HBEGF: variants seen among roughly 807,000 people sequenced by gnomAD.
HBEGF encodes heparin binding EGF like growth factor.
HBEGF carries 8 observed loss-of-function variants against 19.5 expected under a neutral mutation model. The ratio of observed to expected loss-of-function variants is 0.41; its 90% CI spans 0.24 to 0.74. The LOEUF (loss-of-function observed/expected upper bound fraction) is 0.74, where lower values mean the gene tolerates loss of function less well. Ranked by LOEUF, HBEGF falls within the 30% of genes least tolerant of loss-of-function variation. The pLI is 0.32. For synonymous variants in HBEGF, 97 were observed against 108.9 expected, an observed-to-expected ratio of 0.89 and a Z score of 0.68; for missense variants, 207 against 256.9, an observed-to-expected ratio of 0.81 and a Z score of 1.33.
chr5:140,336,783 C>A (rs187267414), intron 3 of HBEGF, among the ~76,000 whole-genome samples: 1 of 152,038 alleles, frequency 6.6e-6, no homozygotes, highest in Non-Finnish European at 1.5e-5. Context: ...GCTCTTCTCA[C>A]TCAAGAAATA....
At chr5:140,343,659 A>G (rs1766349456) in intron 2 of HBEGF, among the ~76,000 whole-genome samples, 1 of 152,146 alleles carries the variant, frequency 6.6e-6, no homozygotes, top group African/African-American at 2.4e-5. Flanking sequence ...TGGGGGAAAA[A>G]CAGCCTCACC....
chr5:140,339,649 C>T (rs975708319), intron 3 of HBEGF, among the ~76,000 whole-genome samples: 11 of 152,252 alleles, frequency 7.2e-5, no homozygotes, highest in African/African-American at 2.6e-4. Flanking sequence ...GTGCCTCGGC[C>T]TCCCAAAGTG....
At chr5:140,336,236 A>G (rs1766225719) in intron 3 of HBEGF, among the ~76,000 whole-genome samples, 1 of 151,694 alleles carries the variant, frequency 6.6e-6, no homozygotes. Context: ...CTCACTTGAC[A>G]CCCTCCCCTT....
intron 2 of HBEGF, among the ~76,000 whole-genome samples, chr5:140,344,895 C>T (rs985447124): frequency 2.6e-5 from 4 of 152,050 alleles, no homozygotes; most frequent in Admixed American, 1.3e-4. Context: ...CAGCCCTGCC[C>T]AGCCTAGGAG....
chr5:140,334,728 T>C lies in HBEGF; in HGVS notation c.575A>G (p.Tyr192Cys). The C allele has an allele frequency of 1.2e-6, 2 of 1,613,758 alleles. No homozygotes were observed. Among genetic ancestry groups the C allele is most frequent in the South Asian group, 1.1e-5 (1 of 91,062 alleles). The change falls in exon 5 of 6, where the codon TAT becomes TGT. Residue 192 changes from tyrosine (Y) to cysteine (C), a missense_variant. This residue lies in a region of HBEGF where 77 missense variants were observed against 106.9 expected (regional missense o/e 0.72). Transcript: ENST00000230990. The stretch of plus-strand genomic sequence containing the variant: ...CACTTTCTCTTCATTTTCCACATCA[T>C]AACCTCCTCTCCTATGGTACCTGAG... ...LMFRYHRRGG[Y>C]DVENEEKVKL...
At chr5:140,336,372 G>A (rs1158638240) in intron 3 of HBEGF, among the ~76,000 whole-genome samples, 5 of 152,170 alleles carry the variant, frequency 3.3e-5, no homozygotes, top group African/African-American at 4.8e-5. Flanking sequence ...GTGTTCAGGC[G>A]TTCTGTTTAA....
chr5:140,345,525 T>C lies in HBEGF; in HGVS notation c.220+386A>G, dbSNP rs567159671. ...GGCATCTCCGCATGTGTTACCTCTA[T>C]TTTATATATAATAGTCATTTGATAT... On this transcript the variant is annotated intron_variant, in intron 2 of 5. Coordinates refer to ENST00000230990, the MANE Select transcript of HBEGF (RefSeq NM_001945.3). 5.9e-5 allele frequency among the ~76,000 whole-genome samples: 9 copies of C among 152,320 alleles called. No individual in the cohort carries two copies. The South Asian group carries it at 1.9e-3, about 32-fold the overall frequency.
chr5:140,343,133 C>T (rs1392534254), intron 2 of HBEGF: 2 of 300,228 alleles, frequency 6.7e-6, no homozygotes, highest in African/African-American at 2.1e-5. Flanking sequence ...CTCCACCCCA[C>T]TGTCCACCTT....
intron 3 of HBEGF, among the ~76,000 whole-genome samples, chr5:140,337,714 A>G (rs1345739775): frequency 6.6e-6 from 1 of 152,156 alleles, no homozygotes; most frequent in Non-Finnish European, 1.5e-5. Flanking sequence ...TCACAGCAGG[A>G]TAAATGTAGG....
In HBEGF at chr5:140,346,010, C is replaced by G. The variant is rs1014104664; in HGVS notation, c.121G>C (p.Asp41His). 7 of 1,614,160 alleles carry G rather than the reference C, an allele frequency of 4.3e-6. No homozygotes were observed. The highest frequency in any genetic ancestry group is 5.9e-6 in the Non-Finnish European group (7 of 1,179,996). ...RGLAAGTSNP[D>H]PPTVSTDQLL... is the part of the protein sequence containing the mutation. Reference sequence around the variant, plus strand: ...TGGTCCGTGGATACAGTGGGAGGGTCCGGGTTGCTGGTTCCAGCAGCTAGC... The same window carrying G: ...TGGTCCGTGGATACAGTGGGAGGGTGCGGGTTGCTGGTTCCAGCAGCTAGC... The change falls in exon 2 of 6, where the codon GAC becomes CAC. Residue 41 changes from aspartate (D) to histidine (H), a missense_variant. Asp to His is a moderately conservative substitution (Grantham distance 81, BLOSUM62 -1). Around this residue, in one of 3 missense-constraint regions of HBEGF, gnomAD observed 127 missense variants for 132.7 expected, o/e 0.96. Coordinates refer to ENST00000230990, the MANE Select transcript of HBEGF (RefSeq NM_001945.3). The surrounding 1 kb of genome is among the most constrained non-coding windows in gnomAD (Gnocchi z 6.1).
At chr5:140,345,566 C>T (rs1287533063) in intron 2 of HBEGF, among the ~76,000 whole-genome samples, 1 of 152,120 alleles carries the variant, frequency 6.6e-6, no homozygotes, top group East Asian at 1.9e-4. Flanking sequence ...TTAGAACTGG[C>T]GCCCATTTTT....
rs576280050 is a variant in HBEGF, at chr5:140,333,357, C to T, written c.*942G>A. 2.0e-5 allele frequency: 3 copies of T among 152,978 alleles called. No homozygotes were observed. The highest frequency in any genetic ancestry group is 4.4e-5 in the Non-Finnish European group (3 of 68,250). The allele number at this position is 152,978 out of a possible 1,614,324, so 9.5% of individuals were successfully genotyped here. A position where few individuals can be genotyped will look rare whatever the true frequency, so the allele number is the denominator to read the frequency against. On this transcript the variant is annotated 3_prime_UTR_variant, in exon 6 of 6. Transcript: ENST00000230990. ...CTTTGACATCAGCACCTTGGGCTTT[C>T]AAAACACAAATGGTAGACAAAATCG...
chr5:140,341,326 C>T (rs1461915041), intron 3 of HBEGF, among the ~76,000 whole-genome samples: 1 of 152,216 alleles, frequency 6.6e-6, no homozygotes, highest in African/African-American at 2.4e-5. Context: ...CCTCAATCCA[C>T]CTTGACTACT....
rs7268 is a variant in HBEGF at position 140,332,965 on chromosome 5, A to C, written c.*1334T>G. 0.54 allele frequency: 82,360 copies of C among 152,436 alleles called. 22,377 individuals are homozygous for C. The highest frequency in any genetic ancestry group is 0.57 in the Middle Eastern group (168 of 294). 9.4% of individuals were successfully genotyped at this position (152,436 alleles called of 1,614,324 possible). ...TTCCAGAAAGGACCATGACAGCATA[A>C]CTTCATCGTTTTGGTGAGGTGGGTG... On this transcript the variant is annotated 3_prime_UTR_variant, in exon 6 of 6. Coordinates refer to ENST00000230990, the MANE Select transcript of HBEGF (RefSeq NM_001945.3).
chr5:140,341,785 G>A (rs1011730961), intron 3 of HBEGF, among the ~76,000 whole-genome samples: 2 of 152,194 alleles, frequency 1.3e-5, no homozygotes, highest in Admixed American at 1.3e-4. Flanking sequence ...GCAGCCTGAC[G>A]CAGGGTGTTG....
chr5:140,346,418 C>A lies in HBEGF; in HGVS notation c.-90G>T. The A allele has an allele frequency of 7.0e-7, 1 of 1,424,460 alleles. No homozygotes were observed. Among genetic ancestry groups the A allele is most frequent in the South Asian group, 1.2e-5 (1 of 81,970 alleles). The allele number at this position is 1,424,460 out of a possible 1,614,324, so 88.2% of individuals were successfully genotyped here. A position where few individuals can be genotyped will look rare whatever the true frequency, so the allele number is the denominator to read the frequency against. ...GGCACCAGAGCTGGGCGGCGGAGCT[C>A]AGGAGATTCCGCCGGGCACCGTCTG... is the stretch of plus-strand genomic sequence containing the variant. On this transcript the variant is annotated 5_prime_UTR_variant, in exon 1 of 6. Transcript: ENST00000230990. This position sits in a 1 kb window ranked among gnomAD's most constrained non-coding sequence, Gnocchi z 6.1.
At position 140,346,239 on chromosome 5, in the gene HBEGF, GCCC is replaced by G. The variant is rs751879038; in HGVS notation, c.46+41_46+43del. ...CCTTCCCCCATGCCCCCAGCACAAC[GCCC>G]CCATCCCCCCGATCTCCGGGGGCGT... On this transcript the variant is annotated intron_variant, in intron 1 of 5. Coordinates refer to ENST00000230990, the MANE Select transcript of HBEGF (RefSeq NM_001945.3). This position sits in a 1 kb window ranked among gnomAD's most constrained non-coding sequence, Gnocchi z 6.1. The G allele has an allele frequency of 6.3e-7, 1 of 1,578,776 alleles. No individual in the cohort carries two copies. The highest frequency in any genetic ancestry group is 8.6e-7 in the Non-Finnish European group (1 of 1,163,936).
intron 3 of HBEGF, among the ~76,000 whole-genome samples, chr5:140,342,088 G>A (rs556749935): frequency 1.1e-4 from 17 of 152,324 alleles, no homozygotes; most frequent in African/African-American, 3.9e-4. Flanking sequence ...TCCTTGCTGG[G>A]ATAAGGAAGA....
chr5:140,342,421 C>A (rs958744812), intron 3 of HBEGF, among the ~76,000 whole-genome samples: 2 of 152,180 alleles, frequency 1.3e-5, no homozygotes, highest in African/African-American at 4.8e-5. Flanking sequence ...AGGATTAAAG[C>A]ACGTCACAAA....
Sources: gnomAD v4.1 joint callset for allele counts (sites outside exome capture counted in the v4.1 genomes callset) on GRCh38, gnomAD v4.1.1 for gene constraint, gnomAD v4.1.1 regional missense constraint, Gnocchi (gnomAD v3.1) non-coding constraint, MANE v1.5 for transcripts, NCBI Gene and HGNC (gene_info 2026-07-23, HGNC 2026-07-21) for gene names.